FAM161A: variants seen among roughly 807,000 people sequenced by gnomAD.
FAM161A encodes the protein FAM161 centrosomal protein A.
FAM161A carries 57 observed loss-of-function variants against 70.9 expected under a neutral mutation model. That is an observed-to-expected ratio of 0.80 (90% CI 0.65 to 1.00). FAM161A has a LOEUF of 1.00. Ranked by LOEUF, FAM161A falls within the 50% of genes least tolerant of loss-of-function variation. The pLI is 0.00. For synonymous variants in FAM161A, 299 were observed against 295.7 expected (o/e 1.01, Z -0.12); for missense variants, 880 against 836.0 (o/e 1.05, Z -0.65).
chr2:61,805,191 C>T, the FAM161A span, among the ~76,000 whole-genome samples: 3 of 152,226 alleles, frequency 2.0e-5, no homozygotes, highest in Admixed American at 6.5e-5. Flanking sequence ...TGAGATGTCC[C>T]GCCTTTTTAG....
intron 2 of FAM161A, among the ~76,000 whole-genome samples, chr2:61,840,796 T>C (rs1384495147): frequency 1.3e-5 from 2 of 152,056 alleles, no homozygotes; most frequent in Non-Finnish European, 2.9e-5. Context: ...GACTACAGGC[T>C]TGTGCCACCA....
the FAM161A span, among the ~76,000 whole-genome samples, chr2:61,814,818 T>C: frequency 1.3e-5 from 2 of 152,244 alleles, no homozygotes; most frequent in African/African-American, 4.8e-5. Context: ...AACTTCTGTA[T>C]AAATCCCTTG....
intron 1 of FAM161A, among the ~76,000 whole-genome samples, chr2:61,852,515 G>C (rs534669273): frequency 1.6e-4 from 25 of 152,224 alleles, no homozygotes; most frequent in African/African-American, 5.1e-4. Flanking sequence ...TGAGGTTTAA[G>C]GAAATTATGT....
chr2:61,842,392 A>T (rs1014079637), intron 1 of FAM161A, 32 bp from the exon 2 acceptor site: 2 of 1,375,238 alleles, frequency 1.5e-6, no homozygotes, highest in African/African-American at 1.4e-5. Flanking sequence ...ATATATAGTG[A>T]CTGGAGCTGA....
intron 4 of FAM161A, chr2:61,836,402 T>C (rs1174404698): frequency 1.1e-5 from 3 of 266,918 alleles, no homozygotes; most frequent in Non-Finnish European, 2.1e-5. Flanking sequence ...AAGGCATAAA[T>C]ATTTTAAGGG....
chr2:61,830,757 C>A (rs560827834), intron 5 of FAM161A, among the ~76,000 whole-genome samples: 6 of 151,610 alleles, frequency 4.0e-5, no homozygotes, highest in African/African-American at 9.7e-5. Context: ...ATCCTCCCCC[C>A]CTCAGTTTCC....
chr2:61,840,602 T>C (rs1167269975), intron 2 of FAM161A, 21 bp from the exon 3 acceptor site: 1 of 1,475,292 alleles, frequency 6.8e-7, no homozygotes, highest in Non-Finnish European at 9.5e-7. Context: ...AGAATAACTA[T>C]GTTATACTTT....
At chr2:61,808,241 T>C in the FAM161A span, among the ~76,000 whole-genome samples, 9 of 152,166 alleles carry the variant, frequency 5.9e-5, no homozygotes, top group Non-Finnish European at 1.2e-4. Flanking sequence ...TCATAGTAAC[T>C]GCTTACAGAC....
At chr2:61,820,625 A>T, downstream of FAM161A, 1 of 609,492 alleles carries the variant, frequency 1.6e-6, no homozygotes, top group Non-Finnish European at 3.0e-6. Flanking sequence ...TCTTTTTTGT[A>T]TTATTCTTTT....
At chr2:61,826,630 G>A in intron 6 of FAM161A, 31 bp from the exon 7 acceptor site, 3 of 1,584,704 alleles carry the variant, frequency 1.9e-6, no homozygotes, top group Non-Finnish European at 2.6e-6. Context: ...ATCTTTCAAA[G>A]GAAAAATGAG....
chr2:61,810,034 G>A, the FAM161A span, among the ~76,000 whole-genome samples: 1 of 152,218 alleles, frequency 6.6e-6, no homozygotes, highest in East Asian at 1.9e-4. Context: ...TGTAGCCACT[G>A]AGTAAGCCCA....
Position 61,831,111 on chromosome 2 carries a change from C to CAA in FAM161A, c.1852-3855_1852-3854dup, listed in dbSNP as rs11366022. 8.0e-4 allele frequency among the ~76,000 whole-genome samples: 87 copies of CAA among 108,466 alleles called. 1 individual carries two copies. The highest frequency in any genetic ancestry group is 1.6e-3 in the South Asian group (5 of 3,048). 71.2% of individuals were successfully genotyped at this position (108,466 alleles called of 152,430 possible). A position where few individuals can be genotyped will look rare whatever the true frequency, so the allele number is the denominator to read the frequency against. On this transcript the variant is annotated intron_variant, in intron 5 of 6. Transcript: ENST00000404929. Reference sequence around the variant, plus strand: ...TGGGTGACAGAGTGAGACGCCTTCTCAAAAAAAAAAAAAAAAAAAGATATT... The same window carrying CAA: ...TGGGTGACAGAGTGAGACGCCTTCTCAAAAAAAAAAAAAAAAAAAAAGATATT...
the FAM161A span, among the ~76,000 whole-genome samples, chr2:61,818,490 T>G: frequency 1.3e-5 from 2 of 152,188 alleles, no homozygotes; most frequent in Non-Finnish European, 2.9e-5. Flanking sequence ...AGTAAGAAAG[T>G]GCACAAAGAC....
At chr2:61,818,069 T>TTG in the FAM161A span, among the ~76,000 whole-genome samples, 1 of 151,464 alleles carries the variant, frequency 6.6e-6, no homozygotes, top group African/African-American at 2.4e-5. Flanking sequence ...AGATCCTTTT[T>TTG]TTTTTTTTTT....
rs771425462 is a variant in FAM161A, at chr2:61,838,645, C to T, written c.1644G>A (p.Gln548=). 1.2e-6 allele frequency: 2 copies of T among 1,611,970 alleles called. No homozygotes were observed. The highest frequency in any genetic ancestry group is 1.1e-5 in the South Asian group (1 of 90,974). The change falls in exon 4 of 7, where the codon CAG becomes CAA. Residue 548 remains glutamine (Q), a synonymous_variant. Transcript: ENST00000404929. The part of the protein sequence containing the change: ...EEERNRILTK[Q]KQRMKELQKL... ...TCTGCAATTCTTTCATTCTTTGCTT[C>T]TGTTTAGTTAGGATCCGATTTCTCT...
chr2:61,850,395 T>C (rs1673456927), intron 1 of FAM161A, among the ~76,000 whole-genome samples: 1 of 151,810 alleles, frequency 6.6e-6, no homozygotes, highest in Non-Finnish European at 1.5e-5. Flanking sequence ...AAACTCCATC[T>C]CAAAAAAATA....
the FAM161A span, among the ~76,000 whole-genome samples, chr2:61,804,768 G>GAAAGAAAAAGAA: frequency 3.2e-4 from 38 of 119,036 alleles, no homozygotes; most frequent in African/African-American, 1.2e-3. Flanking sequence ...GAAAAAGAAA[G>GAAAGAAAAAGAA]AGAAAGAAAG....
At chr2:61,814,596 TCC>T in the FAM161A span, among the ~76,000 whole-genome samples, 1 of 152,166 alleles carries the variant, frequency 6.6e-6, no homozygotes, top group African/African-American at 2.4e-5. Flanking sequence ...GCAGCTGTAA[TCC>T]CAGCTACTTG....
At chr2:61,806,531 T>C in the FAM161A span, among the ~76,000 whole-genome samples, 3 of 152,168 alleles carry the variant, frequency 2.0e-5, no homozygotes, top group Admixed American at 2.0e-4. Flanking sequence ...ATTTTAATAC[T>C]GATTCTCAGT....
Sources: gnomAD v4.1 joint callset for allele counts (sites outside exome capture counted in the v4.1 genomes callset) on GRCh38, gnomAD v4.1.1 for gene constraint, MANE v1.5 for transcripts, NCBI Gene and HGNC (gene_info 2026-07-23, HGNC 2026-07-21) for gene names.